STIM2: variants seen among roughly 807,000 people sequenced by gnomAD.
STIM2 encodes the protein stromal interaction molecule 2.
In STIM2, 31 loss-of-function variants were observed where a neutral mutation model predicts 85.8. That is an observed-to-expected ratio of 0.36 (90% confidence interval 0.27 to 0.49). The LOEUF is 0.49. Among genes scored for constraint, STIM2 ranks in the 20% least tolerant of loss-of-function variants. STIM2 has a pLI of 0.98. For missense variants in STIM2, 841 were observed against 927.6 expected, an observed-to-expected ratio of 0.91 and a Z score of 1.21; for synonymous variants, 356 against 331.1, an observed-to-expected ratio of 1.08 and a Z score of -0.82.
intron 1 of STIM2, among the ~76,000 whole-genome samples, chr4:26,914,131 C>T (rs1724445428): frequency 6.6e-6 from 1 of 152,130 alleles, no homozygotes; most frequent in African/African-American, 2.4e-5. Flanking sequence ...TTTTTTTCTC[C>T]TTGATTGTCA....
intron 3 of STIM2, among the ~76,000 whole-genome samples, chr4:26,993,801 A>G (rs1441009547): frequency 1.3e-5 from 2 of 152,130 alleles, no homozygotes; most frequent in African/African-American, 2.4e-5. Context: ...GTTATTTAGT[A>G]TTACTACTTT....
In STIM2 at chr4:27,022,576, A is replaced by G. The variant is rs761291574; in HGVS notation, c.1821A>G (p.Lys607=). The change falls in exon 12 of 12, where the codon AAA becomes AAG. Residue 607 remains lysine, a synonymous_variant. Transcript: ENST00000467087. Reference sequence around the variant, plus strand: ...CCTTAAATTCTTCCATTGGAAGGAAACAGTCTCCTCCTTTAAGCCTCGAGA... The same window carrying G: ...CCTTAAATTCTTCCATTGGAAGGAAGCAGTCTCCTCCTTTAAGCCTCGAGA... 1 of 1,610,480 alleles carries G rather than the reference A, an allele frequency of 6.2e-7. No individual in the cohort carries two copies. Among genetic ancestry groups the G allele is most frequent in the African/African-American group, 1.3e-5 (1 of 74,994 alleles).
chr4:26,957,771 T>C (rs745627233), intron 3 of STIM2, 45 bp downstream of exon 3: 8 of 1,205,984 alleles, frequency 6.6e-6, no homozygotes, highest in Admixed American at 6.5e-5. Flanking sequence ...TCTGCACATC[T>C]AGCCTGCTTA....
At chr4:26,874,641 G>A (rs1722749060) in intron 1 of STIM2, among the ~76,000 whole-genome samples, 1 of 152,130 alleles carries the variant, frequency 6.6e-6, no homozygotes, top group Admixed American at 6.5e-5. Flanking sequence ...TTATTTAAAA[G>A]GTTACAATTA....
intron 1 of STIM2, among the ~76,000 whole-genome samples, chr4:26,896,149 C>T (rs1024268183): frequency 1.3e-5 from 2 of 152,196 alleles, no homozygotes; most frequent in Admixed American, 1.3e-4. Flanking sequence ...CTAGGAATAG[C>T]CTGTTGTTGC....
chr4:26,904,319 G>T (rs1440109433), intron 1 of STIM2, among the ~76,000 whole-genome samples: 2 of 151,948 alleles, frequency 1.3e-5, no homozygotes, highest in Admixed American at 6.6e-5. Context: ...TGTACAATTT[G>T]CTAAGTGTCA....
intron 1 of STIM2, among the ~76,000 whole-genome samples, chr4:26,883,162 C>T (rs1327780466): frequency 6.6e-6 from 1 of 151,304 alleles, no homozygotes; most frequent in Admixed American, 6.6e-5. Flanking sequence ...TGTGTCTTTT[C>T]TGCCATGGGG....
chr4:26,964,615 T>A (rs1200347712), intron 3 of STIM2, among the ~76,000 whole-genome samples: 2 of 152,134 alleles, frequency 1.3e-5, no homozygotes, highest in Non-Finnish European at 2.9e-5. Flanking sequence ...GATTTTTGGA[T>A]CCACTGGGCT....
chr4:26,936,592 A>T (rs569657408), intron 2 of STIM2, among the ~76,000 whole-genome samples: 2 of 152,284 alleles, frequency 1.3e-5, no homozygotes, highest in South Asian at 4.1e-4. Flanking sequence ...ATTAAATAGG[A>T]TTTTGTGAAC....
Position 26,996,109 on chromosome 4 carries a change from A to G in STIM2, c.509+619A>G, listed in dbSNP as rs575108315. 3.1e-4 allele frequency among the ~76,000 whole-genome samples: 47 copies of G among 152,168 alleles called. No individual in the cohort carries two copies. The South Asian group carries it at 9.5e-3, about 31-fold the overall frequency. On this transcript the variant is annotated intron_variant, in intron 4 of 11. Coordinates refer to ENST00000467087, the MANE Select transcript of STIM2 (RefSeq NM_020860.4). The stretch of plus-strand genomic sequence containing the variant: ...TGCCCAAGGCAGCATTTAAACCCAG[A>G]TAGATTTGATAGCAAAGTCCAGGTT...
At position 27,022,708 on chromosome 4, in the gene STIM2, C is replaced by G; in HGVS notation, c.1953C>G (p.Pro651=). Residue 651 remains proline (P), a synonymous_variant, in exon 12 of 12, where the codon CCC becomes CCG. Coordinates refer to ENST00000467087, the MANE Select transcript of STIM2 (RefSeq NM_020860.4). ...CTGTGGATGTGTCTTGGGGTTCTCC[C>G]GACTGTGTAGGTCTGACAGAAACTA... is the stretch of plus-strand genomic sequence containing the variant. 1 of 1,614,218 alleles carries G rather than the reference C, an allele frequency of 6.2e-7. No individual in the cohort carries two copies. Among genetic ancestry groups the G allele is most frequent in the Non-Finnish European group, 8.5e-7 (1 of 1,180,038 alleles).
chr4:26,896,554 T>C (rs1440003391), intron 1 of STIM2, among the ~76,000 whole-genome samples: 3 of 152,196 alleles, frequency 2.0e-5, no homozygotes, highest in Non-Finnish European at 4.4e-5. Context: ...TAAAAAACGC[T>C]TTTATTTTGA....
chr4:26,989,993 T>C (rs952351512), intron 3 of STIM2, among the ~76,000 whole-genome samples: 1 of 152,130 alleles, frequency 6.6e-6, no homozygotes, highest in African/African-American at 2.4e-5. Flanking sequence ...TGCTTATGGA[T>C]TGGAAGAATT....
At chr4:26,889,112 G>A (rs1277307228) in intron 1 of STIM2, among the ~76,000 whole-genome samples, 1 of 152,208 alleles carries the variant, frequency 6.6e-6, no homozygotes, top group Non-Finnish European at 1.5e-5. Flanking sequence ...TGAAACAATA[G>A]GGATAATAGT....
chr4:26,956,129 C>A (rs904213300), intron 2 of STIM2, among the ~76,000 whole-genome samples: 1 of 151,762 alleles, frequency 6.6e-6, no homozygotes, highest in Non-Finnish European at 1.5e-5. Context: ...CTTCTGAAAT[C>A]TTTTATGTGA....
chr4:27,016,348 A>G (rs1728731264), intron 10 of STIM2, among the ~76,000 whole-genome samples: 1 of 152,052 alleles, frequency 6.6e-6, no homozygotes, highest in East Asian at 1.9e-4. Flanking sequence ...CCTGTTTTAT[A>G]ATGTTTTACT....
chr4:26,873,650 GAGAGACGCTC>G (rs1722710385), intron 1 of STIM2: 11 of 644,632 alleles, frequency 1.7e-5, no homozygotes, highest in Non-Finnish European at 5.7e-6. Context: ...TCATAAATGA[GAGAGACGCTC>G]ATGTCACCAC....
At chr4:26,998,678 T>G (rs1198721185) in intron 4 of STIM2, among the ~76,000 whole-genome samples, 2 of 152,122 alleles carry the variant, frequency 1.3e-5, no homozygotes, top group Middle Eastern at 3.4e-3. Context: ...TTTGGGAGGC[T>G]GAGGCGGGCG....
chr4:27,012,388 T>C (rs1672345928), intron 10 of STIM2, among the ~76,000 whole-genome samples: 1 of 152,084 alleles, frequency 6.6e-6, no homozygotes, highest in Non-Finnish European at 1.5e-5. Context: ...TATCGAGATC[T>C]TTTCTATCTT....
Sources: gnomAD v4.1 joint callset for allele counts (sites outside exome capture counted in the v4.1 genomes callset) on GRCh38, gnomAD v4.1.1 for gene constraint, MANE v1.5 for transcripts, NCBI Gene and HGNC (gene_info 2026-07-23, HGNC 2026-07-21) for gene names.